Variants in PKIG observed in about 807,000 individuals in gnomAD.
PKIG encodes the protein protein kinase (cAMP-dependent, catalytic) inhibitor gamma.
Under a neutral mutation model 6.8 loss-of-function variants are expected in PKIG, and 1 was observed. The ratio of observed to expected loss-of-function variants is 0.15; its 90% CI spans 0.05 to 0.69. PKIG has a LOEUF of 0.69. PKIG is among the 30% of genes least tolerant of loss of function. PKIG has a pLI of 0.82. For missense variants in PKIG, 77 were observed against 104.0 expected (o/e 0.74, Z 1.13); for synonymous variants, 39 against 43.0 (o/e 0.91, Z 0.36).
chr20:44,613,548 TTCC>T (rs938718795), intron 2 of PKIG, among the ~76,000 whole-genome samples: 103 of 152,280 alleles, frequency 6.8e-4, no homozygotes, highest in African/African-American at 2.4e-3. Flanking sequence ...CCCTCAAATA[TTCC>T]TCCTTTGTTC....
chr20:44,556,060 C>T (rs981494589), intron 1 of PKIG, among the ~76,000 whole-genome samples: 1 of 151,952 alleles, frequency 6.6e-6, no homozygotes, highest in Non-Finnish European at 1.5e-5. Flanking sequence ...AGGATGGTCT[C>T]GATCTCCTGA....
chr20:44,601,232 C>T (rs187494204), intron 2 of PKIG, among the ~76,000 whole-genome samples: 1 of 152,364 alleles, frequency 6.6e-6, no homozygotes, highest in East Asian at 1.9e-4. Flanking sequence ...CTATCACTGC[C>T]TGCATCCAGG....
At chr20:44,533,119 T>G (rs1836611158) in intron 1 of PKIG, among the ~76,000 whole-genome samples, 1 of 152,170 alleles carries the variant, frequency 6.6e-6, no homozygotes, top group Non-Finnish European at 1.5e-5. Context: ...GTCTTATCAT[T>G]CCTCCCATCT....
intron 1 of PKIG, among the ~76,000 whole-genome samples, chr20:44,570,906 A>G (rs2064848370): frequency 6.6e-6 from 1 of 152,150 alleles, no homozygotes; most frequent in African/African-American, 2.4e-5. Context: ...TTATAATTCA[A>G]AAATTCCTAG....
At chr20:44,610,496 T>TCACACACACACA (rs1466815546) in intron 2 of PKIG, among the ~76,000 whole-genome samples, 10 of 111,556 alleles carry the variant, frequency 9.0e-5, no homozygotes, top group African/African-American at 4.0e-4. Flanking sequence ...TCTCTCTCTC[T>TCACACACACACA]CTCTCACACA....
Position 44,618,696 on chromosome 20 carries a change from G to A in PKIG, c.*332G>A, listed in dbSNP as rs935343445. ...GCCCACACAGGAACGCTCCTCTCGC[G>A]AGCGGCCCGGGCAGGGACCCTGTCC... is the stretch of plus-strand genomic sequence containing the variant. On this transcript the variant is annotated 3_prime_UTR_variant, in exon 4 of 4. Transcript: ENST00000372886. The A allele has an allele frequency of 1.3e-5, 3 of 234,282 alleles. No homozygotes were observed. The highest frequency in any genetic ancestry group is 2.3e-5 in the African/African-American group (1 of 44,160). 14.5% of individuals were successfully genotyped at this position (234,282 alleles called of 1,614,324 possible).
intron 2 of PKIG, among the ~76,000 whole-genome samples, chr20:44,593,517 A>G (rs1031693066): frequency 4.6e-5 from 7 of 152,152 alleles, no homozygotes; most frequent in Non-Finnish European, 8.8e-5. Context: ...AGAAAGACAA[A>G]TACTACAGGA....
At chr20:44,618,251 G>A in intron 3 of PKIG, 34 bp from the exon 4 acceptor site, 2 of 1,395,650 alleles carry the variant, frequency 1.4e-6, no homozygotes, top group Non-Finnish European at 2.0e-6. Flanking sequence ...TTGTGTATAT[G>A]TGCCCAAGAA....
chr20:44,579,325 A>G (rs557093350), upstream of PKIG, among the ~76,000 whole-genome samples: 34 of 152,356 alleles, frequency 2.2e-4, no homozygotes, highest in African/African-American at 8.2e-4. Flanking sequence ...AAACAGCCAA[A>G]GTTTCCTTCA....
intron 2 of PKIG, among the ~76,000 whole-genome samples, chr20:44,600,083 A>G (rs921011416): frequency 6.6e-6 from 1 of 152,248 alleles, no homozygotes; most frequent in African/African-American, 2.4e-5. Context: ...AGGAGGCTCT[A>G]TAGGGAGCAG....
Position 44,614,985 on chromosome 20 carries a change from T to C in PKIG, c.151+278T>C, listed in dbSNP as rs1406841010. ...CCACTTCTCGCTATCCCCACAGCTA[T>C]ACCTGGCTCTGGCCACTCACAGCTC... On this transcript the variant is annotated intron_variant, in intron 3 of 3. Coordinates refer to ENST00000372886, the MANE Select transcript of PKIG (RefSeq NM_001281445.2). This position sits in a 1 kb window ranked among gnomAD's most constrained non-coding sequence, Gnocchi z 4.6. 6.6e-6 allele frequency among the ~76,000 whole-genome samples: 1 copy of C among 152,182 alleles called. No individual in the cohort carries two copies. The highest frequency in any genetic ancestry group is 1.5e-5 in the Non-Finnish European group (1 of 68,022).
chr20:44,592,822 G>A (rs2065043930), intron 2 of PKIG, among the ~76,000 whole-genome samples: 1 of 152,184 alleles, frequency 6.6e-6, no homozygotes, highest in African/African-American at 2.4e-5. Context: ...TCCATACCAA[G>A]CCATTTAAAG....
intron 1 of PKIG, among the ~76,000 whole-genome samples, chr20:44,541,080 G>A (rs548948495): frequency 3.3e-5 from 5 of 152,282 alleles, no homozygotes; most frequent in South Asian, 4.1e-4. Context: ...GGAATTCAGC[G>A]GAGGGAGCCA....
At chr20:44,617,668 G>A (rs530900245) in intron 3 of PKIG, among the ~76,000 whole-genome samples, 2 of 152,160 alleles carry the variant, frequency 1.3e-5, no homozygotes, top group South Asian at 4.2e-4. Context: ...ACCCCATGAT[G>A]CACGGTTGGC....
chr20:44,564,875 A>G (rs1376886236), intron 1 of PKIG, among the ~76,000 whole-genome samples: 1 of 152,252 alleles, frequency 6.6e-6, no homozygotes, highest in Non-Finnish European at 1.5e-5. Flanking sequence ...ATGATTTCAC[A>G]TTCCTATCAT....
At chr20:44,566,353 C>T (rs916340596) in intron 1 of PKIG, among the ~76,000 whole-genome samples, 4 of 152,078 alleles carry the variant, frequency 2.6e-5, no homozygotes, top group South Asian at 2.1e-4. Context: ...GTTTACTAGC[C>T]GCTGTTGTAA....
intron 1 of PKIG, among the ~76,000 whole-genome samples, chr20:44,535,705 G>A (rs2064506656): frequency 6.6e-6 from 1 of 152,180 alleles, no homozygotes; most frequent in African/African-American, 2.4e-5. Context: ...ATGTGGTTAG[G>A]TGTAAAAAGC....
intron 1 of PKIG, among the ~76,000 whole-genome samples, chr20:44,545,920 A>T (rs2064609637): frequency 2.0e-5 from 3 of 152,118 alleles, no homozygotes; most frequent in Admixed American, 2.0e-4. Flanking sequence ...AGTGTAGTTC[A>T]TGCAGAAACT....
rs539902219 is a variant in PKIG, at chr20:44,589,149, CT to C, written c.-93-637del. Among the ~76,000 whole-genome samples, 91 of 147,650 alleles carry C rather than the reference CT, an allele frequency of 6.2e-4. No homozygotes were observed. The Middle Eastern group carries it at 0.01, about 17-fold the overall frequency. ...AATGTGCACGTACACAAATGCTGTA[CT>C]TTTTTTTTTTCTAAACATAAATAAT... On this transcript the variant is annotated intron_variant, in intron 1 of 3. Transcript: ENST00000372886.
Sources: gnomAD v4.1 joint callset for allele counts (sites outside exome capture counted in the v4.1 genomes callset) on GRCh38, gnomAD v4.1.1 for gene constraint, Gnocchi (gnomAD v3.1) non-coding constraint, MANE v1.5 for transcripts, NCBI Gene and HGNC (gene_info 2026-07-23, HGNC 2026-07-21) for gene names.